The following ADARB1 variants were observed in gnomAD, a reference collection of about 807,000 sequenced individuals.
ADARB1 encodes the protein adenosine deaminase RNA specific B1.
ADARB1 carries 10 observed loss-of-function variants against 52.4 expected under a neutral mutation model. The observed-to-expected ratio is 0.19, with a 90% CI of 0.12 to 0.32. The LOEUF (loss-of-function observed/expected upper bound fraction) is 0.32. Ranked by LOEUF, ADARB1 falls within the 10% of genes least tolerant of loss-of-function variation. The pLI, the probability that ADARB1 is intolerant of heterozygous loss-of-function variation, is 1.00. For missense variants in ADARB1, 643 were observed against 922.3 expected, an observed-to-expected ratio of 0.70 and a Z score of 3.92; for synonymous variants, 349 against 371.1, an observed-to-expected ratio of 0.94 and a Z score of 0.68.
intron 1 of ADARB1, among the ~76,000 whole-genome samples, chr21:45,085,565 C>T (rs1396966414): frequency 6.6e-6 from 1 of 152,144 alleles, no homozygotes; most frequent in African/African-American, 2.4e-5. Flanking sequence ...TAGTCTTGGT[C>T]ATTTTGAATT....
At position 45,223,774 on chromosome 21, in the gene ADARB1, C is replaced by T. The variant is rs557898974; in HGVS notation, c.*1577C>T. The stretch of plus-strand genomic sequence containing the variant: ...CAAAACTGAAACACCGTGGCTTCGG[C>T]GGGGGGTGTGCCTCCTGATGTCAGG... On this transcript the variant is annotated 3_prime_UTR_variant, in exon 11 of 11. Transcript: ENST00000348831. The T allele has an allele frequency of 7.1e-6, 7 of 985,262 alleles. No homozygotes were observed. Among genetic ancestry groups the T allele is most frequent in the African/African-American group, 3.5e-5 (2 of 57,198 alleles). 61.0% of individuals were successfully genotyped at this position (985,262 alleles called of 1,614,324 possible).
rs1014921726 is a variant in ADARB1 at position 45,208,672 on chromosome 21, G to T, written c.1747+3936G>T. Among the ~76,000 whole-genome samples the T allele has an allele frequency of 1.3e-5, 2 of 151,934 alleles. No homozygotes were observed. Among genetic ancestry groups the T allele is most frequent in the African/African-American group, 4.8e-5 (2 of 41,344 alleles). ...TGTGAGTGTGTGCATGAGTGCGTGTGTGTATGAGTGTGTGTGCATGTGTGT... is the reference window on the plus strand; with the variant it reads ...TGTGAGTGTGTGCATGAGTGCGTGTTTGTATGAGTGTGTGTGCATGTGTGT... On this transcript the variant is annotated intron_variant, in intron 9 of 10. Transcript: ENST00000348831. This position sits in a 1 kb window ranked among gnomAD's most constrained non-coding sequence, Gnocchi z 5.6.
At chr21:45,189,431 A>G (rs963078862) in intron 8 of ADARB1, among the ~76,000 whole-genome samples, 2 of 152,196 alleles carry the variant, frequency 1.3e-5, no homozygotes, top group African/African-American at 4.8e-5. Flanking sequence ...ATATCCATTA[A>G]TATACATTGT....
At chr21:45,192,747 G>T (rs1056984535) in intron 8 of ADARB1, among the ~76,000 whole-genome samples, 1 of 152,194 alleles carries the variant, frequency 6.6e-6, no homozygotes, top group East Asian at 1.9e-4. Context: ...CGGAATGGGA[G>T]AGGTGAAATT....
intron 1 of ADARB1, among the ~76,000 whole-genome samples, chr21:45,081,809 A>AGGATAGCCTGCC (rs1487859092): frequency 6.6e-6 from 1 of 152,200 alleles, no homozygotes; most frequent in Non-Finnish European, 1.5e-5. Context: ...TCTGGCTAGA[A>AGGATAGCCTGCC]GGATAGCCTG....
chr21:45,211,022 T>G (rs918314853), intron 9 of ADARB1, among the ~76,000 whole-genome samples: 2 of 152,242 alleles, frequency 1.3e-5, no homozygotes, highest in African/African-American at 4.8e-5. Context: ...AGGACTGTTA[T>G]GTGGCCAGAG....
At chr21:45,087,398 CA>C (rs1366078507) in intron 1 of ADARB1, among the ~76,000 whole-genome samples, 1 of 152,112 alleles carries the variant, frequency 6.6e-6, no homozygotes, top group African/African-American at 2.4e-5. Context: ...AGGCAAGTAC[CA>C]AAGAACATCT....
intron 8 of ADARB1, among the ~76,000 whole-genome samples, chr21:45,190,995 A>C (rs1159082420): frequency 6.6e-6 from 1 of 152,186 alleles, no homozygotes; most frequent in Non-Finnish European, 1.5e-5. Context: ...CTAGTTTTAC[A>C]ATGGACTGGA....
At chr21:45,139,422 T>G (rs1162826444) in intron 2 of ADARB1, among the ~76,000 whole-genome samples, 1 of 152,202 alleles carries the variant, frequency 6.6e-6, no homozygotes, top group Non-Finnish European at 1.5e-5. Flanking sequence ...TTTCCTTGAT[T>G]TTTTTGGTTC....
chr21:45,091,245 G>A (rs770965619), intron 1 of ADARB1, among the ~76,000 whole-genome samples: 1 of 152,078 alleles, frequency 6.6e-6, no homozygotes, highest in Non-Finnish European at 1.5e-5. Context: ...TTTGCCCCTG[G>A]TATTATCTTA....
At chr21:45,175,213 G>A (rs899518429) in intron 3 of ADARB1, among the ~76,000 whole-genome samples, 14 of 152,158 alleles carry the variant, frequency 9.2e-5, no homozygotes, top group African/African-American at 3.4e-4. Context: ...TCTTGTGAAT[G>A]CATGTTTTTA....
At chr21:45,132,260 A>C (rs1235515119) in intron 2 of ADARB1, 1 of 152,286 alleles carries the variant, frequency 6.6e-6, no homozygotes, top group East Asian at 1.9e-4. Context: ...GCATCAGCTC[A>C]GGTGGCGTCC....
intron 2 of ADARB1, among the ~76,000 whole-genome samples, chr21:45,148,205 C>T (rs1481388351): frequency 4.6e-5 from 7 of 152,240 alleles, no homozygotes; most frequent in Non-Finnish European, 1.0e-4. Flanking sequence ...CCTTTATGCC[C>T]TCACGGACCT....
chr21:45,126,333 T>A (rs898587692), intron 1 of ADARB1, among the ~76,000 whole-genome samples: 5 of 152,220 alleles, frequency 3.3e-5, no homozygotes, highest in Non-Finnish European at 5.9e-5. Context: ...TGCAGCTTGT[T>A]AATTGTGTTG....
intron 8 of ADARB1, among the ~76,000 whole-genome samples, chr21:45,188,688 C>A (rs1209607036): frequency 6.6e-6 from 1 of 151,814 alleles, no homozygotes; most frequent in Non-Finnish European, 1.5e-5. Flanking sequence ...TTAAAGTAAT[C>A]ACTGATAGGG....
intron 2 of ADARB1, among the ~76,000 whole-genome samples, chr21:45,171,044 G>T (rs528134779): frequency 6.6e-6 from 1 of 152,320 alleles, no homozygotes; most frequent in South Asian, 2.1e-4. Context: ...GTAGGTTCTG[G>T]TTCTGCTGTG....
intron 5 of ADARB1, among the ~76,000 whole-genome samples, chr21:45,181,756 G>A (rs2091939661): frequency 1.3e-5 from 2 of 152,370 alleles, no homozygotes; most frequent in South Asian, 4.1e-4. Flanking sequence ...CAGACAGCTG[G>A]TTCAGGGGGC....
rs780781875 is a variant in ADARB1 at position 45,172,239 on chromosome 21, C to T, written c.28+555C>T. On this transcript the variant is annotated intron_variant, in intron 3 of 10. Coordinates refer to ENST00000348831, the MANE Select transcript of ADARB1 (RefSeq NM_001112.4). This position sits in a 1 kb window ranked among gnomAD's most constrained non-coding sequence, Gnocchi z 4.4. The stretch of plus-strand genomic sequence containing the variant: ...CTCTGGTGCCGGGGTGGTGGAAGGC[C>T]GCTGGGGTACGTTGGTGTTTCGGTG... 2.8e-4 allele frequency among the ~76,000 whole-genome samples: 43 copies of T among 152,120 alleles called. No individual in the cohort carries two copies. The highest frequency in any genetic ancestry group is 4.3e-4 in the Non-Finnish European group (29 of 67,998).
At chr21:45,081,222 G>A (rs2086137918) in intron 1 of ADARB1, among the ~76,000 whole-genome samples, 1 of 152,110 alleles carries the variant, frequency 6.6e-6, no homozygotes, top group Non-Finnish European at 1.5e-5. Context: ...AGAAGGACAG[G>A]GAGGAGGTCT....
Sources: gnomAD v4.1 joint callset for allele counts (sites outside exome capture counted in the v4.1 genomes callset) on GRCh38, gnomAD v4.1.1 for gene constraint, Gnocchi (gnomAD v3.1) non-coding constraint, MANE v1.5 for transcripts, NCBI Gene and HGNC (gene_info 2026-07-23, HGNC 2026-07-21) for gene names.